Variants in EPHA5 observed in about 807,000 individuals in gnomAD.
The protein encoded by EPHA5 is EPH receptor A5, also known as ephrin type-A receptor 5.
EPHA5 carries 60 observed loss-of-function variants against 105.0 expected under a neutral mutation model. That is an observed-to-expected ratio of 0.57 (90% confidence interval 0.46 to 0.71). EPHA5 has a LOEUF of 0.71. Ranked by LOEUF, EPHA5 falls within the 30% of genes least tolerant of loss-of-function variation. EPHA5 has a pLI of 0.00. For synonymous variants in EPHA5, 513 were observed against 449.1 expected (o/e 1.14, Z -1.80); for missense variants, 1,218 against 1,274.7 (o/e 0.96, Z 0.68).
chr4:65,537,582 C>T (rs1736407593), intron 3 of EPHA5, among the ~76,000 whole-genome samples: 6 of 151,600 alleles, frequency 4.0e-5, no homozygotes, highest in Admixed American at 4.0e-4. Context: ...TACTTTTATC[C>T]TATTAAACAT....
intron 3 of EPHA5, among the ~76,000 whole-genome samples, chr4:65,500,000 A>T (rs1344869782): frequency 1.3e-5 from 2 of 151,330 alleles, no homozygotes; most frequent in Admixed American, 6.6e-5. Context: ...CTTCACACCC[A>T]TGAAGATACA....
intron 8 of EPHA5, among the ~76,000 whole-genome samples, chr4:65,367,695 CCAGA>C (rs747169577): frequency 1.4e-4 from 21 of 152,012 alleles, no homozygotes; most frequent in Non-Finnish European, 2.5e-4. Flanking sequence ...ATACTGTATA[CCAGA>C]CATTGTTGTT....
chr4:65,436,009 T>C (rs572723833), intron 5 of EPHA5, among the ~76,000 whole-genome samples: 15 of 152,228 alleles, frequency 9.9e-5, no homozygotes, highest in African/African-American at 3.1e-4. Context: ...TTCTCAGTGA[T>C]AGTAGATGCT....
At chr4:65,331,849 C>T (rs1720647242) in intron 16 of EPHA5, 124 bp downstream of exon 16, 18 of 1,430,722 alleles carry the variant, frequency 1.3e-5, no homozygotes, top group Non-Finnish European at 1.6e-5. Context: ...GATGATGAGG[C>T]TTCTTTGAGA....
chr4:65,566,826 T>A (rs2149367025), intron 3 of EPHA5, among the ~76,000 whole-genome samples: 1 of 151,920 alleles, frequency 6.6e-6, no homozygotes, highest in East Asian at 1.9e-4. Flanking sequence ...ATCCAAAATA[T>A]ATAATGGTTG....
chr4:65,637,515 T>G (rs1435572438), intron 2 of EPHA5, among the ~76,000 whole-genome samples: 1 of 147,650 alleles, frequency 6.8e-6, no homozygotes, highest in Non-Finnish European at 1.5e-5. Flanking sequence ...TATGAAATCT[T>G]CAAATTTTGT....
chr4:65,356,765 G>A (rs2148869158), intron 11 of EPHA5, among the ~76,000 whole-genome samples: 1 of 151,646 alleles, frequency 6.6e-6, no homozygotes, highest in Admixed American at 6.6e-5. Context: ...TCATGCGTGA[G>A]TCATTTTAAT....
chr4:65,539,946 A>C lies in EPHA5; in HGVS notation c.911-44403T>G, dbSNP rs1450441635. ...ATGTTATCACTATATTATTTCCCTA[A>C]AAAATGATTTTGGAAAGCCATTCTA... On this transcript the variant is annotated intron_variant, in intron 3 of 16. Coordinates refer to ENST00000613740, the MANE Select transcript of EPHA5 (RefSeq NM_001281766.3). 3.3e-5 allele frequency among the ~76,000 whole-genome samples: 5 copies of C among 151,434 alleles called. No individual in the cohort carries two copies. The Admixed American group carries it at 3.3e-4, about 10-fold the overall frequency.
At chr4:65,328,401 A>G (rs1458321197) in intron 16 of EPHA5, among the ~76,000 whole-genome samples, 1 of 151,332 alleles carries the variant, frequency 6.6e-6, no homozygotes, top group African/African-American at 2.4e-5. Flanking sequence ...AGTAATAAAA[A>G]GTATATAGTT....
chr4:65,485,546 G>A (rs1399165427), intron 5 of EPHA5, among the ~76,000 whole-genome samples: 1 of 152,090 alleles, frequency 6.6e-6, no homozygotes, highest in Non-Finnish European at 1.5e-5. Context: ...CTAAAAGCAA[G>A]TTCCTAGGCT....
Position 65,404,474 on chromosome 4 carries a change from C to T in EPHA5, c.1693G>A (p.Ala565Thr), listed in dbSNP as rs376412603. 3.2e-5 allele frequency: 52 copies of T among 1,613,330 alleles called. 1 individual carries two copies. In the Middle Eastern group the frequency reaches 8.2e-4, roughly 26 times the overall value. The change falls in exon 8 of 17, where the codon GCA (alanine) becomes ACA (threonine). Residue 565 changes from alanine (A) to threonine (T), a missense_variant. This residue lies in a region of EPHA5 where 971 missense variants were observed against 1,013.5 expected (regional missense o/e 0.96). Transcript: ENST00000613740. ...ATCTGGCTTTGATCGCTGGATGCTG[C>T]AACTGCTGATAGGAGATACAGAAAA... ...FEFETTPVSV[A>T]ASSDQSQIPV...
intron 5 of EPHA5, among the ~76,000 whole-genome samples, chr4:65,486,039 G>A (rs116741981): frequency 2.5e-3 from 374 of 152,242 alleles, no homozygotes; most frequent in African/African-American, 8.7e-3. Context: ...AAAGAAAAGA[G>A]AAGAGACTAA....
chr4:65,512,268 A>T (rs945113787), intron 3 of EPHA5, among the ~76,000 whole-genome samples: 2 of 152,178 alleles, frequency 1.3e-5, no homozygotes, highest in African/African-American at 4.8e-5. Context: ...ATATGGCACT[A>T]AGCATGACAT....
chr4:65,347,804 C>G (rs985452355), intron 14 of EPHA5, among the ~76,000 whole-genome samples: 1 of 152,112 alleles, frequency 6.6e-6, no homozygotes, highest in Non-Finnish European at 1.5e-5. Context: ...TGAAACATCA[C>G]TACAGTACAG....
At chr4:65,324,351 T>C (rs1469335034) in intron 16 of EPHA5, 132 bp from the exon 17 acceptor site, 5 of 563,872 alleles carry the variant, frequency 8.9e-6, no homozygotes, top group East Asian at 6.1e-5. Context: ...ATACAGAGTC[T>C]AGTTTTTAAA....
Position 65,322,684 on chromosome 4 carries a change from A to G in EPHA5, c.*1430T>C, listed in dbSNP as rs1719730325. On this transcript the variant is annotated 3_prime_UTR_variant, in exon 17 of 17. Transcript: ENST00000613740. ...TCCTTAATAAGCCTAATTACATAAT[A>G]CCTTGGATTGGTTCAATAAAATAAA... 1 of 225,818 alleles carries G rather than the reference A, an allele frequency of 4.4e-6. No homozygotes were observed. The highest frequency in any genetic ancestry group is 1.8e-4 in the South Asian group (1 of 5,484). 14.0% of individuals were successfully genotyped at this position (225,818 alleles called of 1,614,324 possible).
chr4:65,535,616 G>A (rs908828473), intron 3 of EPHA5, among the ~76,000 whole-genome samples: 2 of 152,008 alleles, frequency 1.3e-5, no homozygotes, highest in Non-Finnish European at 2.9e-5. Context: ...TTAAGATGCT[G>A]TTTTGCAAAG....
intron 6 of EPHA5, among the ~76,000 whole-genome samples, chr4:65,417,260 C>T (rs939062399): frequency 3.9e-5 from 6 of 152,244 alleles, no homozygotes; most frequent in Non-Finnish European, 5.9e-5. Context: ...GAAAGCTCTG[C>T]CACCTGTGTC....
At chr4:65,428,424 G>A (rs765896474) in intron 5 of EPHA5, among the ~76,000 whole-genome samples, 4 of 152,018 alleles carry the variant, frequency 2.6e-5, no homozygotes, top group Non-Finnish European at 5.9e-5. Flanking sequence ...ACCTAACCAT[G>A]TTCTGTACTA....
Sources: gnomAD v4.1 joint callset for allele counts (sites outside exome capture counted in the v4.1 genomes callset) on GRCh38, gnomAD v4.1.1 for gene constraint, gnomAD v4.1.1 regional missense constraint, MANE v1.5 for transcripts, NCBI Gene and HGNC (gene_info 2026-07-23, HGNC 2026-07-21) for gene names.